Variants in DCLK1 observed in about 807,000 individuals in gnomAD.
The protein encoded by DCLK1 is doublecortin like kinase 1.
In DCLK1, 16 loss-of-function variants were observed where a neutral mutation model predicts 86.2. The observed-to-expected ratio is 0.19, with a 90% CI of 0.13 to 0.28. The LOEUF (loss-of-function observed/expected upper bound fraction) is 0.28. Ranked by LOEUF, DCLK1 falls within the 10% of genes least tolerant of loss-of-function variation. The pLI is 1.00. For missense variants in DCLK1, 590 were observed against 940.2 expected, an observed-to-expected ratio of 0.63 and a Z score of 4.87; for synonymous variants, 369 against 370.5, an observed-to-expected ratio of 1.00 and a Z score of 0.05.
intron 5 of DCLK1, among the ~76,000 whole-genome samples, chr13:35,863,900 T>C (rs890802439): frequency 6.6e-6 from 1 of 152,210 alleles, no homozygotes; most frequent in Non-Finnish European, 1.5e-5. Flanking sequence ...AAAATTTAAA[T>C]AGCATGAATA....
At chr13:36,109,120 ATAAGTCT>A (rs1190087949) in intron 3 of DCLK1, among the ~76,000 whole-genome samples, 1 of 152,202 alleles carries the variant, frequency 6.6e-6, no homozygotes, top group Non-Finnish European at 1.5e-5. Context: ...AACCCAACGA[ATAAGTCT>A]TTATGTTCTT....
chr13:36,080,664 T>C (rs1884391759), intron 3 of DCLK1, among the ~76,000 whole-genome samples: 1 of 152,204 alleles, frequency 6.6e-6, no homozygotes, highest in Non-Finnish European at 1.5e-5. Flanking sequence ...GCCTTTGATT[T>C]TGAGTTTTAC....
At chr13:36,029,567 C>A (rs1441000248) in intron 3 of DCLK1, among the ~76,000 whole-genome samples, 3 of 152,092 alleles carry the variant, frequency 2.0e-5, no homozygotes, top group Non-Finnish European at 4.4e-5. Context: ...CTAAACAAAG[C>A]AATTGTGTAT....
chr13:36,047,131 A>G (rs764911461), intron 3 of DCLK1, among the ~76,000 whole-genome samples: 7 of 152,242 alleles, frequency 4.6e-5, no homozygotes, highest in Non-Finnish European at 7.3e-5. Flanking sequence ...CTACAATGAG[A>G]TATCTCACAC....
chr13:35,907,455 C>A (rs1041124014), intron 4 of DCLK1, among the ~76,000 whole-genome samples: 1 of 131,494 alleles, frequency 7.6e-6, no homozygotes, highest in Non-Finnish European at 1.7e-5. Flanking sequence ...AAGCCACTGT[C>A]CCTGGCCCAC....
chr13:35,945,143 G>T (rs1877298931), intron 4 of DCLK1, among the ~76,000 whole-genome samples: 1 of 152,236 alleles, frequency 6.6e-6, no homozygotes, highest in African/African-American at 2.4e-5. Context: ...CAGGTGATCT[G>T]CCCGCCTTGG....
intron 4 of DCLK1, among the ~76,000 whole-genome samples, chr13:35,943,997 C>T (rs1233124118): frequency 2.6e-5 from 4 of 152,068 alleles, no homozygotes; most frequent in South Asian, 2.1e-4. Context: ...TGACTGATGA[C>T]GATATCGCTA....
chr13:35,886,668 A>G (rs1349318803), intron 4 of DCLK1, among the ~76,000 whole-genome samples: 3 of 152,228 alleles, frequency 2.0e-5, no homozygotes, highest in African/African-American at 7.2e-5. Flanking sequence ...GAGAGAACTC[A>G]GGAAACAGGG....
chr13:35,921,849 G>A (rs896147151), intron 4 of DCLK1, among the ~76,000 whole-genome samples: 2 of 152,146 alleles, frequency 1.3e-5, no homozygotes, highest in African/African-American at 4.8e-5. Flanking sequence ...CAGGTGACAG[G>A]GCAGAGATAA....
intron 3 of DCLK1, among the ~76,000 whole-genome samples, chr13:36,045,332 G>GTGTATATA (rs1434268651): frequency 2.5e-4 from 14 of 55,766 alleles, no homozygotes; most frequent in African/African-American, 4.0e-4. Flanking sequence ...GTGTGTGTGT[G>GTGTATATA]TATATATATA....
chr13:35,946,818 C>G (rs540213491), intron 4 of DCLK1, among the ~76,000 whole-genome samples: 1 of 152,126 alleles, frequency 6.6e-6, no homozygotes, highest in Non-Finnish European at 1.5e-5. Context: ...ATAACCATCC[C>G]CTCTTTATCT....
rs911703489 is a variant in DCLK1 at position 35,772,858 on chromosome 13, G to T, written c.*1677C>A. The T allele has an allele frequency of 1.2e-4, 18 of 152,150 alleles. No individual in the cohort carries two copies. The highest frequency in any genetic ancestry group is 4.3e-4 in the African/African-American group (18 of 41,422). 9.4% of individuals were successfully genotyped at this position (152,150 alleles called of 1,614,324 possible). A position where few individuals can be genotyped will look rare whatever the true frequency, so the allele number is the denominator to read the frequency against. ...GGGTTGAAGAGTAAAAATGCAGCAA[G>T]TGAAGATCAATGTGCATTTGAAAAT... On this transcript the variant is annotated 3_prime_UTR_variant, in exon 17 of 17. Transcript: ENST00000360631.
intron 4 of DCLK1, among the ~76,000 whole-genome samples, chr13:35,899,142 A>T (rs896793365): frequency 6.6e-6 from 1 of 152,180 alleles, no homozygotes; most frequent in African/African-American, 2.4e-5. Context: ...GTTCCAGTTT[A>T]TGCCCTATCT....
chr13:35,977,766 T>G (rs1879419226), intron 3 of DCLK1, among the ~76,000 whole-genome samples: 2 of 151,958 alleles, frequency 1.3e-5, no homozygotes, highest in Middle Eastern at 6.8e-3. Flanking sequence ...TACCTAAGAA[T>G]GGTGTCATAC....
chr13:35,837,996 G>A (rs1364188204), intron 7 of DCLK1, among the ~76,000 whole-genome samples: 5 of 149,950 alleles, frequency 3.3e-5, no homozygotes, highest in African/African-American at 1.2e-4. Flanking sequence ...AACCTGGGAG[G>A]TGGAGGTTGC....
intron 11 of DCLK1, among the ~76,000 whole-genome samples, chr13:35,814,381 G>C (rs1361445740): frequency 2.0e-5 from 3 of 152,080 alleles, no homozygotes; most frequent in East Asian, 1.9e-4. Flanking sequence ...AATCAGAAAG[G>C]CTTCTAACAA....
intron 3 of DCLK1, among the ~76,000 whole-genome samples, chr13:36,080,980 A>G (rs1183562469): frequency 6.6e-6 from 1 of 152,218 alleles, no homozygotes; most frequent in Non-Finnish European, 1.5e-5. Flanking sequence ...CTTGCACAGG[A>G]CAGGCCCCAA....
At chr13:35,961,608 T>A (rs1878468001) in intron 3 of DCLK1, among the ~76,000 whole-genome samples, 1 of 152,280 alleles carries the variant, frequency 6.6e-6, no homozygotes, top group South Asian at 2.1e-4. Flanking sequence ...TCCCCTGAAA[T>A]AATATTCTTT....
At chr13:35,950,185 G>A (rs1463161558) in intron 3 of DCLK1, among the ~76,000 whole-genome samples, 7 of 152,200 alleles carry the variant, frequency 4.6e-5, no homozygotes, top group Admixed American at 3.3e-4. Context: ...CTTGCTAGAA[G>A]TCTTCTTAAA....
Sources: gnomAD v4.1 joint callset for allele counts (sites outside exome capture counted in the v4.1 genomes callset) on GRCh38, gnomAD v4.1.1 for gene constraint, MANE v1.5 for transcripts, NCBI Gene and HGNC (gene_info 2026-07-23, HGNC 2026-07-21) for gene names.